Variants in GOLT1A observed in about 807,000 individuals in gnomAD.
GOLT1A encodes the protein vesicle transport protein GOT1A.
GOLT1A carries 10 observed loss-of-function variants against 16.1 expected under a neutral mutation model. That is an observed-to-expected ratio of 0.62 (90% CI 0.38 to 1.05). The LOEUF (loss-of-function observed/expected upper bound fraction) is 1.05. GOLT1A is among the 50% of genes least tolerant of loss of function. GOLT1A has a pLI of 0.01. For missense variants in GOLT1A, 137 were observed against 165.7 expected (o/e 0.83, Z 0.95); for synonymous variants, 60 against 67.9 (o/e 0.88, Z 0.57).
At chr1:204,203,682 A>G (rs143724667) in intron 1 of GOLT1A, among the ~76,000 whole-genome samples, 35 of 152,350 alleles carry the variant, frequency 2.3e-4, no homozygotes, top group South Asian at 1.7e-3. Flanking sequence ...TCCCTCCTGC[A>G]GCAGGCACCT....
intron 1 of GOLT1A, 102 bp downstream of exon 1, chr1:204,213,780 G>C: frequency 7.4e-7 from 1 of 1,349,304 alleles, no homozygotes; most frequent in South Asian, 1.3e-5. Context: ...CCTGGCTCCA[G>C]AGGTCACGCT....
intron 1 of GOLT1A, among the ~76,000 whole-genome samples, chr1:204,207,313 TG>T (rs1236913025): frequency 6.6e-6 from 1 of 152,230 alleles, no homozygotes; most frequent in Non-Finnish European, 1.5e-5. Context: ...CGAAAAAAGC[TG>T]GGAGGCCAAG....
chr1:204,208,476 G>GTGTGTGTGTGTGTGTGTATA (rs1286299770), intron 1 of GOLT1A, among the ~76,000 whole-genome samples: 1 of 39,940 alleles, frequency 2.5e-5, no homozygotes, highest in African/African-American at 7.9e-5. Context: ...GTGTGTGTGT[G>GTGTGTGTGTGTGTGTGTATA]TATATATATA....
At chr1:204,213,585 T>C (rs919232092) in intron 1 of GOLT1A, among the ~76,000 whole-genome samples, 1 of 152,144 alleles carries the variant, frequency 6.6e-6, no homozygotes, top group Non-Finnish European at 1.5e-5. Flanking sequence ...TCCACCTTTG[T>C]GGCAACCCAG....
At chr1:204,202,455 C>T (rs983263476) in intron 2 of GOLT1A, among the ~76,000 whole-genome samples, 25 of 151,980 alleles carry the variant, frequency 1.6e-4, no homozygotes, top group African/African-American at 6.0e-4. Context: ...AATTCCTCTC[C>T]ACCATTCTCC....
intron 1 of GOLT1A, among the ~76,000 whole-genome samples, chr1:204,211,914 T>C (rs1473067181): frequency 6.6e-6 from 1 of 152,120 alleles, no homozygotes; most frequent in Non-Finnish European, 1.5e-5. Context: ...CAACAAAGAA[T>C]TATCCTGCCC....
In GOLT1A at chr1:204,213,928, T is replaced by C. The variant is rs748163419; in HGVS notation, c.-22A>G. 99 of 1,612,176 alleles carry C rather than the reference T, an allele frequency of 6.1e-5. No homozygotes were observed. In the South Asian group the frequency reaches 8.5e-4, roughly 14 times the overall value. On this transcript the variant is annotated 5_prime_UTR_variant, in exon 1 of 5. Transcript: ENST00000308302. ...TCATGCCGCACTCAGCCTGGGGGGCTTTCCGGGTGGAAGCGGGCAAGTGGA... is the reference window on the plus strand; with the variant it reads ...TCATGCCGCACTCAGCCTGGGGGGCCTTCCGGGTGGAAGCGGGCAAGTGGA...
intron 1 of GOLT1A, among the ~76,000 whole-genome samples, chr1:204,209,744 T>G (rs1659109486): frequency 6.6e-6 from 1 of 152,202 alleles, no homozygotes. Context: ...GGATTTGAAC[T>G]TAGTCTTGAG....
chr1:204,203,035 T>G, intron 1 of GOLT1A, 48 bp from the exon 2 acceptor site: 1 of 1,504,716 alleles, frequency 6.6e-7, no homozygotes, highest in Non-Finnish European at 9.2e-7. Context: ...GGGGAGCAGG[T>G]GGGGACCCTG....
chr1:204,210,194 C>A (rs1391172389), intron 1 of GOLT1A, among the ~76,000 whole-genome samples: 1 of 152,212 alleles, frequency 6.6e-6, no homozygotes, highest in African/African-American at 2.4e-5. Context: ...CAGGTGTGAA[C>A]CATCATCTGT....
rs141284578 is a variant in GOLT1A, at chr1:204,200,299, G to GTATATATATATA, written c.297-1053_297-1042dup. ...GACTGTTTGAAAATGACATATATGT[G>GTATATATATATA]TATATATATATATATATATATGTTT... On this transcript the variant is annotated intron_variant, in intron 3 of 4. Coordinates refer to ENST00000308302, the MANE Select transcript of GOLT1A (RefSeq NM_198447.2). 4.5e-4 allele frequency among the ~76,000 whole-genome samples: 37 copies of GTATATATATATA among 82,660 alleles called. 1 individual carries two copies. Among genetic ancestry groups the GTATATATATATA allele is most frequent in the East Asian group, 1.2e-3 (3 of 2,494 alleles). The allele number at this position is 82,660 out of a possible 152,430, so 54.2% of individuals were successfully genotyped here. A position where few individuals can be genotyped will look rare whatever the true frequency, so the allele number is the denominator to read the frequency against.
At chr1:204,199,620 T>C (rs1658919301) in intron 3 of GOLT1A, among the ~76,000 whole-genome samples, 1 of 152,178 alleles carries the variant, frequency 6.6e-6, no homozygotes, top group South Asian at 2.1e-4. Context: ...ATTTTTATTA[T>C]TGTTACTCTC....
rs375187882 is a variant in GOLT1A at position 204,202,895 on chromosome 1, C to T, written c.117+1G>A. 1.7e-5 allele frequency: 27 copies of T among 1,612,516 alleles called. No individual in the cohort carries two copies. The highest frequency in any genetic ancestry group is 6.7e-5 in the African/African-American group (5 of 74,832). ...TGGGGACACAGGGCTGGGAGACTCA[C>T]GTTTCCAAAGGCCAGGAGCACGGAA... is the stretch of plus-strand genomic sequence containing the variant. On this transcript the variant is annotated splice_donor_variant, in intron 2 of 4. Transcript: ENST00000308302. LOFTEE classifies it high-confidence loss of function.
intron 2 of GOLT1A, 100 bp from the exon 3 acceptor site, chr1:204,201,911 T>A: frequency 9.1e-7 from 1 of 1,092,906 alleles, no homozygotes; most frequent in Non-Finnish European, 1.3e-6. Flanking sequence ...CAGGATGTGC[T>A]AACTGTTCAA....
At chr1:204,206,342 G>A (rs1659038962) in intron 1 of GOLT1A, among the ~76,000 whole-genome samples, 1 of 152,168 alleles carries the variant, frequency 6.6e-6, no homozygotes, top group South Asian at 2.1e-4. Context: ...ACCTCCTCCT[G>A]CTGGCCTGAA....
Position 204,198,496 on chromosome 1 carries a change from G to A in GOLT1A, c.361C>T (p.Leu121=), listed in dbSNP as rs781217080. 5.6e-6 allele frequency: 9 copies of A among 1,612,882 alleles called. No homozygotes were observed. Among genetic ancestry groups the A allele is most frequent in the Admixed American group, 1.7e-5 (1 of 59,720 alleles). Residue 121 remains leucine (L), a splice_region_variant and synonymous_variant, in exon 5 of 5, where the codon CTG becomes TTG. Coordinates refer to ENST00000308302, the MANE Select transcript of GOLT1A (RefSeq NM_198447.2). ...NVCNIPFLGA[L]FRRLQGTSSM... is the part of the protein sequence containing the mutation. The stretch of plus-strand genomic sequence containing the variant: ...CTAGTGCCTTGAAGTCTCCGGAACA[G>A]CTGTGGGAGCCAAGAATCATTACTC...
intron 3 of GOLT1A, among the ~76,000 whole-genome samples, 153 bp downstream of exon 3, chr1:204,201,480 C>G (rs1423793605): frequency 9.9e-5 from 15 of 152,162 alleles, no homozygotes; most frequent in Non-Finnish European, 5.9e-5. Context: ...CTCCAAAGTA[C>G]CCTTCAGCCT....
chr1:204,201,212 G>C (rs1265736800), intron 3 of GOLT1A, among the ~76,000 whole-genome samples: 3 of 152,186 alleles, frequency 2.0e-5, no homozygotes, highest in Non-Finnish European at 2.9e-5. Flanking sequence ...TTTGGGCCGG[G>C]GGCAACTTCT....
At chr1:204,210,655 G>A (rs1352129082) in intron 1 of GOLT1A, among the ~76,000 whole-genome samples, 1 of 152,136 alleles carries the variant, frequency 6.6e-6, no homozygotes, top group African/African-American at 2.4e-5. Context: ...GCTCAGGCTG[G>A]TCTTGAACTC....
Sources: allele counts gnomAD v4.1 joint callset (sites outside exome capture counted in the v4.1 genomes callset), GRCh38; gene constraint gnomAD v4.1.1; transcripts MANE v1.5; gene names NCBI Gene and HGNC (gene_info 2026-07-23, HGNC 2026-07-21).